Variants in MYOM1 observed in about 807,000 individuals in gnomAD.
MYOM1 encodes the protein myomesin 1.
Under a neutral mutation model 205.3 loss-of-function variants are expected in MYOM1, and 164 were observed. That is an observed-to-expected ratio of 0.80 (90% confidence interval 0.70 to 0.91). The LOEUF (loss-of-function observed/expected upper bound fraction) is 0.91. MYOM1 is among the 40% of genes least tolerant of loss of function. The pLI is 0.00. For synonymous variants in MYOM1, 772 were observed against 789.4 expected (o/e 0.98, Z 0.37); for missense variants, 2,011 against 2,127.3 (o/e 0.95, Z 1.08).
chr18:3,127,296 TA>T (rs1412632970), intron 18 of MYOM1, among the ~76,000 whole-genome samples: 2 of 48,524 alleles, frequency 4.1e-5, no homozygotes, highest in Admixed American at 4.1e-4. Context: ...TATATATATA[TA>T]TATATATATT....
chr18:3,201,152 A>T lies in MYOM1; in HGVS notation c.291-7194T>A, dbSNP rs141037319. 5.3e-3 allele frequency among the ~76,000 whole-genome samples: 812 copies of T among 152,294 alleles called. 9 individuals carry two copies. Among genetic ancestry groups the T allele is most frequent in the African/African-American group, 0.019 (776 of 41,560 alleles). On this transcript the variant is annotated intron_variant, in intron 2 of 37. Transcript: ENST00000356443. ...AGTGGCTCATGCCTGTAATCCTAGC[A>T]CTTTGGGAGGCTGAAGGGGGTGCAT...
chr18:3,111,510 A>G (rs1015831304), intron 22 of MYOM1, among the ~76,000 whole-genome samples: 4 of 152,170 alleles, frequency 2.6e-5, no homozygotes, highest in Admixed American at 6.5e-5. Context: ...TCAGCAAACT[A>G]TGGCCTGTGG....
the MYOM1 span, among the ~76,000 whole-genome samples, chr18:3,245,673 A>G: frequency 6.6e-6 from 1 of 152,196 alleles, no homozygotes; most frequent in Non-Finnish European, 1.5e-5. Context: ...TTCATCTTCA[A>G]TCAGCCAGGC....
chr18:3,176,021 T>C (rs1328606548), intron 6 of MYOM1, 21 bp downstream of exon 6: 3 of 1,454,044 alleles, frequency 2.1e-6, no homozygotes, highest in African/African-American at 1.4e-5. Flanking sequence ...GAGCAACACA[T>C]GGACACTAAT....
At chr18:3,102,374 T>G (rs2079390972) in intron 23 of MYOM1, 100 bp downstream of exon 23, 2 of 1,164,532 alleles carry the variant, frequency 1.7e-6, no homozygotes, top group Non-Finnish European at 2.4e-6. Context: ...TATAAGTGAC[T>G]TCATCCTCTT....
intron 36 of MYOM1, among the ~76,000 whole-genome samples, chr18:3,072,862 C>A (rs1253501963): frequency 6.6e-6 from 1 of 151,978 alleles, no homozygotes; most frequent in Non-Finnish European, 1.5e-5. Flanking sequence ...TCTCTATGGA[C>A]AGCCTCCAAG....
At chr18:3,191,626 G>T (rs2144162165) in intron 3 of MYOM1, among the ~76,000 whole-genome samples, 1 of 152,062 alleles carries the variant, frequency 6.6e-6, no homozygotes, top group South Asian at 2.1e-4. Flanking sequence ...CAGAGTATAG[G>T]TGATGACATC....
intron 3 of MYOM1, chr18:3,190,640 A>T (rs2080891583): frequency 6.6e-6 from 1 of 152,242 alleles, no homozygotes; most frequent in African/African-American, 2.4e-5. Flanking sequence ...TTTTTAGCTT[A>T]GTGTCCTCAC....
chr18:3,109,331 C>T (rs2143789952), intron 22 of MYOM1, among the ~76,000 whole-genome samples: 1 of 152,238 alleles, frequency 6.6e-6, no homozygotes, highest in Non-Finnish European at 1.5e-5. Context: ...TTTTCCAGAG[C>T]TGAGCTCCTA....
chr18:3,133,899 G>C (rs571117866), intron 16 of MYOM1, among the ~76,000 whole-genome samples: 2 of 152,170 alleles, frequency 1.3e-5, no homozygotes, highest in Non-Finnish European at 2.9e-5. Flanking sequence ...GTCTTGCTCT[G>C]TTGCCCAGGC....
At chr18:3,242,365 GGA>G in the MYOM1 span, among the ~76,000 whole-genome samples, 1 of 152,194 alleles carries the variant, frequency 6.6e-6, no homozygotes, top group Non-Finnish European at 1.5e-5. Context: ...GCTTTAAAAA[GGA>G]GAGTTTCCCT....
At chr18:3,098,804 C>A in intron 25 of MYOM1, among the ~76,000 whole-genome samples, 1 of 152,134 alleles carries the variant, frequency 6.6e-6, no homozygotes, top group South Asian at 2.1e-4. Flanking sequence ...ATTACTTTTC[C>A]AGTTTTATGG....
chr18:3,092,912 G>C (rs1291199844), intron 26 of MYOM1, among the ~76,000 whole-genome samples: 1 of 152,230 alleles, frequency 6.6e-6, no homozygotes, highest in Non-Finnish European at 1.5e-5. Context: ...GTGAAGGGGA[G>C]TACGTCTATA....
At chr18:3,111,047 G>C (rs1462690624) in intron 22 of MYOM1, among the ~76,000 whole-genome samples, 1 of 143,576 alleles carries the variant, frequency 7.0e-6, no homozygotes, top group Non-Finnish European at 1.5e-5. Context: ...TGCCTCCTGG[G>C]TTCACGCGAT....
chr18:3,151,632 C>G, intron 12 of MYOM1, 62 bp downstream of exon 12: 1 of 1,430,362 alleles, frequency 7.0e-7, no homozygotes, highest in Non-Finnish European at 9.5e-7. Context: ...TGCAATGAAG[C>G]TGATTCTTGC....
Position 3,086,080 on chromosome 18 carries a change from C to G in MYOM1, c.4209G>C (p.Lys1403Asn), listed in dbSNP as rs755076763. The G allele has an allele frequency of 6.2e-7, 1 of 1,611,698 alleles. No individual in the cohort carries two copies. The highest frequency in any genetic ancestry group is 1.1e-5 in the South Asian group (1 of 90,994). The part of the protein sequence containing the change: ...KDEREISVDE[K>N]HDFKDGICTL... ...TACATATACCATCCTTAAAGTCATG[C>G]TTTTCATCCACTGATATCTCCCTCT... is the stretch of plus-strand genomic sequence containing the variant. The change falls in exon 30 of 38, where the codon AAG (lysine) becomes AAC (asparagine). Residue 1403 changes from lysine to asparagine, a missense_variant. Coordinates refer to ENST00000356443, the MANE Select transcript of MYOM1 (RefSeq NM_003803.4).
At chr18:3,074,462 A>G (rs1448360589) in intron 36 of MYOM1, among the ~76,000 whole-genome samples, 1 of 152,192 alleles carries the variant, frequency 6.6e-6, no homozygotes, top group Admixed American at 6.5e-5. Context: ...AGCCTGTAAC[A>G]ATTTTAAAAT....
the MYOM1 span, among the ~76,000 whole-genome samples, chr18:3,230,263 C>T: frequency 5.3e-5 from 8 of 152,048 alleles, no homozygotes; most frequent in Admixed American, 2.0e-4. Context: ...GTTATTATTC[C>T]CAAGCTAAAA....
intron 5 of MYOM1, among the ~76,000 whole-genome samples, chr18:3,185,167 T>A (rs2080793083): frequency 6.6e-6 from 1 of 152,228 alleles, no homozygotes; most frequent in Non-Finnish European, 1.5e-5. Flanking sequence ...GAGTCTAATC[T>A]CTGAAGTTCA....
Sources: gnomAD v4.1 joint callset for allele counts (sites outside exome capture counted in the v4.1 genomes callset) on GRCh38, gnomAD v4.1.1 for gene constraint, MANE v1.5 for transcripts, NCBI Gene and HGNC (gene_info 2026-07-23, HGNC 2026-07-21) for gene names.